The following LDLRAD4 variants were observed in gnomAD, a reference collection of about 807,000 sequenced individuals.
The protein encoded by LDLRAD4 is low-density lipoprotein receptor class A domain-containing protein 4.
Under a neutral mutation model 17.0 loss-of-function variants are expected in LDLRAD4, and 5 were observed. That is an observed-to-expected ratio of 0.29 (90% CI 0.15 to 0.62). The LOEUF is 0.62. Among genes scored for constraint, LDLRAD4 ranks in the 20% least tolerant of loss-of-function variants. The pLI is 0.84. For synonymous variants in LDLRAD4, 168 were observed against 171.8 expected, an observed-to-expected ratio of 0.98 and a Z score of 0.17; for missense variants, 340 against 424.7, an observed-to-expected ratio of 0.80 and a Z score of 1.75.
chr18:13,528,680 T>G (rs1648606), intron 3 of LDLRAD4, among the ~76,000 whole-genome samples: 150,102 of 152,340 alleles, frequency 0.99, 73,984 homozygotes, highest in East Asian at 1. Context: ...TTTACGTAAG[T>G]TTGCAAATTT....
intron 4 of LDLRAD4, among the ~76,000 whole-genome samples, chr18:13,629,972 T>A (rs769423206): frequency 6.6e-6 from 1 of 152,186 alleles, no homozygotes; most frequent in Non-Finnish European, 1.5e-5. Context: ...CAACTGGTGC[T>A]GAAATCAGGA....
In LDLRAD4 at chr18:13,643,387, C is replaced by A. The variant is rs761909600; in HGVS notation, c.365C>A (p.Ala122Asp). Residue 122 changes from alanine (A) to aspartate (D), a missense_variant, in exon 5 of 6, where the codon GCC (alanine) becomes GAC (aspartate). Physicochemically the swap from Ala to Asp is moderately radical, Grantham distance 126 (BLOSUM62 -2). Transcript: ENST00000359446. Reference sequence around the variant, plus strand: ...GGGTGCCTGTGGCCTTCAGACAGCGCCGCACCGCGGCTGGGCGCCTCGGAG... The same window carrying A: ...GGGTGCCTGTGGCCTTCAGACAGCGACGCACCGCGGCTGGGCGCCTCGGAG... The A allele has an allele frequency of 1.4e-6, 2 of 1,379,476 alleles. No individual in the cohort carries two copies. 85.5% of individuals were successfully genotyped at this position (1,379,476 alleles called of 1,614,324 possible).
intron 3 of LDLRAD4, among the ~76,000 whole-genome samples, chr18:13,545,532 T>G (rs1041084442): frequency 6.6e-5 from 10 of 152,116 alleles, no homozygotes; most frequent in Non-Finnish European, 1.3e-4. Flanking sequence ...CCTGCTGGGA[T>G]CCACTAATGG....
At chr18:13,627,348 C>T (rs2041265672) in intron 4 of LDLRAD4, among the ~76,000 whole-genome samples, 1 of 152,190 alleles carries the variant, frequency 6.6e-6, no homozygotes. Flanking sequence ...GCCTATGGGG[C>T]CACACCCTGA....
intron 3 of LDLRAD4, among the ~76,000 whole-genome samples, chr18:13,568,282 A>G: frequency 6.6e-6 from 1 of 150,428 alleles, no homozygotes; most frequent in African/African-American, 2.5e-5. Context: ...TGACAGAGTG[A>G]GACTCCGTTT....
At chr18:13,222,947 G>A (rs1475685548) in intron 1 of LDLRAD4, among the ~76,000 whole-genome samples, 1 of 152,220 alleles carries the variant, frequency 6.6e-6, no homozygotes, top group African/African-American at 2.4e-5. Flanking sequence ...CAGACACTGA[G>A]AACAAATTGT....
At chr18:13,556,977 C>T (rs1209878986) in intron 3 of LDLRAD4, among the ~76,000 whole-genome samples, 1 of 152,150 alleles carries the variant, frequency 6.6e-6, no homozygotes, top group African/African-American at 2.4e-5. Context: ...TTGGACGTTA[C>T]AGCACTTTCA....
At chr18:13,536,144 A>C (rs141189978) in intron 3 of LDLRAD4, among the ~76,000 whole-genome samples, 13 of 152,244 alleles carry the variant, frequency 8.5e-5, no homozygotes, top group African/African-American at 3.1e-4. Flanking sequence ...TTTACATAGA[A>C]ATTTTCAATT....
intron 3 of LDLRAD4, among the ~76,000 whole-genome samples, chr18:13,584,174 C>T (rs1203358330): frequency 6.6e-6 from 1 of 152,232 alleles, no homozygotes; most frequent in East Asian, 1.9e-4. Flanking sequence ...TCATAATGCC[C>T]TGGACTCCAA....
At chr18:13,434,248 G>GTTTTTTTT (rs11422247) in intron 2 of LDLRAD4, among the ~76,000 whole-genome samples, 1 of 147,258 alleles carries the variant, frequency 6.8e-6, no homozygotes. Context: ...TTTCTCCTAA[G>GTTTTTTTT]TTTTTTTTTT....
chr18:13,479,977 G>A (rs2093043344), intron 3 of LDLRAD4, among the ~76,000 whole-genome samples: 1 of 152,178 alleles, frequency 6.6e-6, no homozygotes, highest in Admixed American at 6.5e-5. Context: ...CTATGGCGGG[G>A]GGCAGCCACA....
At chr18:13,464,495 T>C (rs2092549213) in intron 3 of LDLRAD4, among the ~76,000 whole-genome samples, 1 of 152,246 alleles carries the variant, frequency 6.6e-6, no homozygotes, top group Non-Finnish European at 1.5e-5. Flanking sequence ...ATATTAAATA[T>C]CTGGTTATAC....
At chr18:13,603,848 G>A (rs1309060874) in intron 3 of LDLRAD4, among the ~76,000 whole-genome samples, 1 of 152,224 alleles carries the variant, frequency 6.6e-6, no homozygotes, top group African/African-American at 2.4e-5. Flanking sequence ...GGACAAGGGC[G>A]GTTCCTGGCT....
rs1297858931 is a variant in LDLRAD4 at position 13,440,899 on chromosome 18, G to A, written c.181+2515G>A. 6.6e-6 allele frequency among the ~76,000 whole-genome samples: 1 copy of A among 152,220 alleles called. No homozygotes were observed. The highest frequency in any genetic ancestry group is 1.5e-5 in the Non-Finnish European group (1 of 68,036). Reference sequence around the variant, plus strand: ...GTGCACTTGCCCAGTGATCCTGGATGATTCTCCCTATTCTGTCCCCTGGGG... The same window carrying A: ...GTGCACTTGCCCAGTGATCCTGGATAATTCTCCCTATTCTGTCCCCTGGGG... On this transcript the variant is annotated intron_variant, in intron 3 of 5. Coordinates refer to ENST00000359446, the Ensembl canonical transcript of LDLRAD4. The surrounding 1 kb of genome is among the most constrained non-coding windows in gnomAD (Gnocchi z 4.4).
chr18:13,301,344 C>T (rs141341585), intron 1 of LDLRAD4, among the ~76,000 whole-genome samples: 34 of 151,548 alleles, frequency 2.2e-4, no homozygotes, highest in Middle Eastern at 3.4e-3. Context: ...GGAGACTTCC[C>T]GCTGGACCAT....
At chr18:13,600,950 T>C (rs1256317543) in intron 3 of LDLRAD4, among the ~76,000 whole-genome samples, 2 of 152,192 alleles carry the variant, frequency 1.3e-5, no homozygotes, top group Non-Finnish European at 2.9e-5. Flanking sequence ...AATAACAGAC[T>C]TAATTAAGGT....
At chr18:13,539,304 C>G (rs1414284151) in intron 3 of LDLRAD4, among the ~76,000 whole-genome samples, 2 of 152,170 alleles carry the variant, frequency 1.3e-5, no homozygotes, top group African/African-American at 2.4e-5. Context: ...TGTTTGAACA[C>G]CAGCTAGCTG....
chr18:13,231,370 G>T (rs1415289469), intron 1 of LDLRAD4, among the ~76,000 whole-genome samples: 1 of 152,186 alleles, frequency 6.6e-6, no homozygotes, highest in African/African-American at 2.4e-5. Flanking sequence ...CTCTTGGTGA[G>T]CATGTCGGGT....
intron 3 of LDLRAD4, among the ~76,000 whole-genome samples, chr18:13,459,371 G>GTTTTTTTT (rs71366053): frequency 6.8e-6 from 1 of 148,100 alleles, no homozygotes. Flanking sequence ...AACATTTGGT[G>GTTTTTTTT]TTTTTTTTTT....
Sources: gnomAD v4.1 joint callset for allele counts (sites outside exome capture counted in the v4.1 genomes callset) on GRCh38, gnomAD v4.1.1 for gene constraint, Gnocchi (gnomAD v3.1) non-coding constraint, MANE v1.5 for transcripts, NCBI Gene and HGNC (gene_info 2026-07-23, HGNC 2026-07-21) for gene names.